ETV5: variants seen among roughly 807,000 people sequenced by gnomAD.
The protein encoded by ETV5 is ETS variant transcription factor 5, also known as ETS translocation variant 5.
ETV5 carries 10 observed loss-of-function variants against 70.0 expected under a neutral mutation model. The ratio of observed to expected loss-of-function variants is 0.14; its 90% CI spans 0.09 to 0.24. ETV5 has a LOEUF of 0.24. ETV5 is among the 10% of genes least tolerant of loss of function. The probability of loss-of-function intolerance (pLI) is 1.00; values close to 1 mark genes in which losing one functional copy is unlikely to be tolerated. For missense variants in ETV5, 453 were observed against 651.2 expected (o/e 0.70, Z 3.31); for synonymous variants, 216 against 242.2 (o/e 0.89, Z 1.01).
chr3:186,070,359 C>T (rs1031630788), intron 7 of ETV5, among the ~76,000 whole-genome samples: 1 of 152,220 alleles, frequency 6.6e-6, no homozygotes, highest in African/African-American at 2.4e-5. Context: ...CATCTTTTCT[C>T]ACCTTCCAGA....
At position 186,105,921 on chromosome 3, in the gene ETV5, T is replaced by C; in HGVS notation, c.-53A>G. 1 of 1,602,752 alleles carries C rather than the reference T, an allele frequency of 6.2e-7. No homozygotes were observed. The highest frequency in any genetic ancestry group is 8.5e-7 in the Non-Finnish European group (1 of 1,173,490). On this transcript the variant is annotated 5_prime_UTR_variant, in exon 2 of 13. Transcript: ENST00000306376. The surrounding 1 kb of genome is among the most constrained non-coding windows in gnomAD (Gnocchi z 4.5). ...TTGAGAGGTTTCAGCATTGAGTAAT[T>C]TCTGGGGGAAAAGGGATCCTCCTGT...
intron 5 of ETV5, among the ~76,000 whole-genome samples, chr3:186,103,857 C>T (rs1364103584): frequency 2.0e-5 from 3 of 152,208 alleles, no homozygotes; most frequent in Non-Finnish European, 4.4e-5. Context: ...GGCATTGTGC[C>T]TTGGACATGA....
intron 5 of ETV5, among the ~76,000 whole-genome samples, chr3:186,086,738 CTTGAGCCCAGGAGT>C (rs1714066408): frequency 6.6e-6 from 1 of 151,002 alleles, no homozygotes; most frequent in African/African-American, 2.4e-5. Flanking sequence ...GGGCAGATCG[CTTGAGCCCAGGAGT>C]TTGAGCCCAG....
At chr3:186,074,886 T>C (rs895317619) in intron 7 of ETV5, among the ~76,000 whole-genome samples, 1 of 124,008 alleles carries the variant, frequency 8.1e-6, no homozygotes, top group Non-Finnish European at 1.7e-5. Context: ...AAAAAAAGAA[T>C]AAACAAGTTA....
intron 5 of ETV5, among the ~76,000 whole-genome samples, chr3:186,087,925 C>T (rs181125858): frequency 8.2e-4 from 124 of 152,026 alleles, no homozygotes; most frequent in African/African-American, 2.9e-3. Flanking sequence ...TTCAATTTGC[C>T]ACAGACTTTG....
chr3:186,066,180 C>A (rs1713438321), intron 7 of ETV5, 108 bp from the exon 8 acceptor site: 2 of 794,128 alleles, frequency 2.5e-6, no homozygotes, highest in African/African-American at 2.0e-5. Flanking sequence ...TTGCAAAGTA[C>A]TTAATAATGC....
intron 7 of ETV5, among the ~76,000 whole-genome samples, chr3:186,070,126 G>A (rs1336385019): frequency 6.6e-6 from 1 of 152,104 alleles, no homozygotes; most frequent in Non-Finnish European, 1.5e-5. Context: ...ATATTCTTAA[G>A]GCCTTATTTT....
intron 7 of ETV5, chr3:186,078,148 T>A (rs1393208881): frequency 9.5e-6 from 10 of 1,051,166 alleles, no homozygotes; most frequent in Non-Finnish European, 1.1e-5. Flanking sequence ...CTCCCAATTC[T>A]CCAGGAGAAC....
intron 5 of ETV5, among the ~76,000 whole-genome samples, chr3:186,086,242 T>C (rs77757318): frequency 0.041 from 6,204 of 152,328 alleles, 164 homozygotes; most frequent in African/African-American, 0.07. Context: ...ATCAAGTACA[T>C]GTATTGCCTT....
chr3:186,075,219 T>A lies in ETV5; in HGVS notation c.650+4598A>T, dbSNP rs372357171. Among the ~76,000 whole-genome samples, 15 of 152,328 alleles carry A rather than the reference T, an allele frequency of 9.8e-5. No homozygotes were observed. In the South Asian group the frequency reaches 2.9e-3, roughly 29 times the overall value. ...TTCAGTCTGTCAAAGAAGGATCCATTAAGCATCCATGAAACTCAGTTTCAG... is the reference window on the plus strand; with the variant it reads ...TTCAGTCTGTCAAAGAAGGATCCATAAAGCATCCATGAAACTCAGTTTCAG... On this transcript the variant is annotated intron_variant, in intron 7 of 12. Transcript: ENST00000306376.
At chr3:186,053,030 G>C (rs1713070500) in intron 11 of ETV5, among the ~76,000 whole-genome samples, 1 of 151,998 alleles carries the variant, frequency 6.6e-6, no homozygotes. Flanking sequence ...CAGGGGTCAG[G>C]GGTCACGTTT....
chr3:186,064,479 G>A lies in ETV5; in HGVS notation c.911-3C>T. 2.5e-6 allele frequency: 4 copies of A among 1,614,130 alleles called. No homozygotes were observed. The South Asian group carries it at 3.3e-5, about 13-fold the overall frequency. On this transcript the variant is annotated splice_region_variant and splice_polypyrimidine_tract_variant and intron_variant, in intron 8 of 12. Coordinates refer to ENST00000306376, the MANE Select transcript of ETV5 (RefSeq NM_004454.3). ...GGATGACTGGCAGTTAGGCACTTCT[G>A]AAAGGAAAGCAAAGGTGGACACAAT...
chr3:186,052,253 C>A lies in ETV5; in HGVS notation c.1210-122G>T. The A allele has an allele frequency of 3.6e-6, 3 of 834,420 alleles. No individual in the cohort carries two copies. The highest frequency in any genetic ancestry group is 5.8e-6 in the Non-Finnish European group (3 of 517,978). 51.7% of individuals were successfully genotyped at this position (834,420 alleles called of 1,614,324 possible). A position where few individuals can be genotyped will look rare whatever the true frequency, so the allele number is the denominator to read the frequency against. ...TTTGGTCAATGATCTGCTACTCTGA[C>A]CTGGAAGGGAAGGCATTTAACTCCC... On this transcript the variant is annotated intron_variant, in intron 11 of 12. Transcript: ENST00000306376. The surrounding 1 kb of genome is among the most constrained non-coding windows in gnomAD (Gnocchi z 4.5).
At chr3:186,079,132 AAAG>A in intron 7 of ETV5, 1 of 1,041,196 alleles carries the variant, frequency 9.6e-7, no homozygotes, top group Non-Finnish European at 1.2e-6. Context: ...ATCTTCTATA[AAAG>A]AAGGCCACAA....
chr3:186,046,482 C>G lies in ETV5; in HGVS notation c.*2157G>C, dbSNP rs539607042. 1 of 231,556 alleles carries G rather than the reference C, an allele frequency of 4.3e-6. No individual in the cohort carries two copies. The highest frequency in any genetic ancestry group is 8.6e-6 in the Non-Finnish European group (1 of 116,932). The allele number at this position is 231,556 out of a possible 1,614,324, so 14.3% of individuals were successfully genotyped here. ...ACACTCTGGAAAAGAAGCAAACAAA[C>G]AAACCCCAAAGAACCCCCGAAAAAA... On this transcript the variant is annotated 3_prime_UTR_variant, in exon 13 of 13. Coordinates refer to ENST00000306376, the MANE Select transcript of ETV5 (RefSeq NM_004454.3).
intron 7 of ETV5, chr3:186,078,061 C>T (rs772998472): frequency 7.1e-5 from 75 of 1,056,178 alleles, no homozygotes; most frequent in Non-Finnish European, 8.2e-5. Flanking sequence ...TCCCAGGAAT[C>T]CAAAACTCCT....
At position 186,047,320 on chromosome 3, in the gene ETV5, G is replaced by C. The variant is rs1712903782; in HGVS notation, c.*1319C>G. 1 of 230,602 alleles carries C rather than the reference G, an allele frequency of 4.3e-6. No homozygotes were observed. Among genetic ancestry groups the C allele is most frequent in the Non-Finnish European group, 8.6e-6 (1 of 116,322 alleles). The allele number at this position is 230,602 out of a possible 1,614,324, so 14.3% of individuals were successfully genotyped here. A position where few individuals can be genotyped will look rare whatever the true frequency, so the allele number is the denominator to read the frequency against. On this transcript the variant is annotated 3_prime_UTR_variant, in exon 13 of 13. Transcript: ENST00000306376. ...AGAATGCTAGCACTGTTGCTTACCT[G>C]TCAGTATCACACGTAAGTCTCAAAC...
At chr3:186,098,270 G>C (rs755154982) in intron 5 of ETV5, among the ~76,000 whole-genome samples, 2 of 152,204 alleles carry the variant, frequency 1.3e-5, no homozygotes, top group African/African-American at 2.4e-5. Context: ...TACCAGCGGA[G>C]AGAAACAGAC....
Position 186,080,097 on chromosome 3 carries a change from C to T in ETV5, c.370G>A (p.Asp124Asn), listed in dbSNP as rs377678658. The T allele has an allele frequency of 1.4e-5, 21 of 1,481,662 alleles. No homozygotes were observed. The African/African-American group carries it at 2.9e-4, about 20-fold the overall frequency. The allele number at this position is 1,481,662 out of a possible 1,614,324, so 91.8% of individuals were successfully genotyped here. A position where few individuals can be genotyped will look rare whatever the true frequency, so the allele number is the denominator to read the frequency against. Residue 124 changes from aspartate (D) to asparagine (N), a missense_variant, in exon 7 of 13, where the codon GAT becomes AAT. By Grantham distance (23) the Asp-to-Asn change is conservative. Around this residue, in one of 4 missense-constraint regions of ETV5, gnomAD observed 307 missense variants for 344.9 expected, o/e 0.89. Transcript: ENST00000306376. ...EKCLYNYCAY[D>N]RKPPSGFKPL... The stretch of plus-strand genomic sequence containing the variant: ...TTGAACCCAGAGGGAGGCTTCCTAT[C>T]ATAGGCACTGTAAACAGAAAAAGAG...
Sources: allele counts gnomAD v4.1 joint callset (sites outside exome capture counted in the v4.1 genomes callset), GRCh38; gene constraint gnomAD v4.1.1; regional missense constraint gnomAD v4.1.1; non-coding constraint Gnocchi (gnomAD v3.1); transcripts MANE v1.5; gene names NCBI Gene and HGNC (gene_info 2026-07-23, HGNC 2026-07-21).